The following DENND5A variants were observed in gnomAD, a reference collection of about 807,000 sequenced individuals.
The protein encoded by DENND5A is DENN domain containing 5A.
A neutral mutation model predicts 140.3 loss-of-function variants in DENND5A; 64 were observed. The ratio of observed to expected loss-of-function variants is 0.46; its 90% CI spans 0.37 to 0.56. The LOEUF (loss-of-function observed/expected upper bound fraction) is 0.56. DENND5A is among the 20% of genes least tolerant of loss of function. The pLI, the probability that DENND5A is intolerant of heterozygous loss-of-function variation, is 0.00. For synonymous variants in DENND5A, 605 were observed against 607.7 expected (o/e 1.00, Z 0.07); for missense variants, 1,292 against 1,593.8 (o/e 0.81, Z 3.22).
At position 9,213,808 on chromosome 11, in the gene DENND5A, C is replaced by CAAAAAAAAA. The variant is rs3074627; in HGVS notation, c.110-6185_110-6177dup. 2.8e-3 allele frequency among the ~76,000 whole-genome samples: 196 copies of CAAAAAAAAA among 69,626 alleles called. 6 individuals carry two copies. Among genetic ancestry groups the CAAAAAAAAA allele is most frequent in the African/African-American group, 0.011 (186 of 17,362 alleles). The allele number at this position is 69,626 out of a possible 152,430, so 45.7% of individuals were successfully genotyped here. Reference sequence around the variant, plus strand: ...GGTGGCTGAGCGAGACTCCGTCTCCCAAAAAAAAAAGAAGAAGAAGAAGCA... The same window carrying CAAAAAAAAA: ...GGTGGCTGAGCGAGACTCCGTCTCCCAAAAAAAAAAAAAAAAAAAGAAGAAGAAGAAGCA... On this transcript the variant is annotated intron_variant, in intron 1 of 22. Coordinates refer to ENST00000328194, the MANE Select transcript of DENND5A (RefSeq NM_015213.4).
chr11:9,164,208 T>C (rs1848107595), intron 11 of DENND5A, among the ~76,000 whole-genome samples: 1 of 34,474 alleles, frequency 2.9e-5, no homozygotes, highest in African/African-American at 1.6e-4. Flanking sequence ...TTTTTTTTTT[T>C]TTTTTTTTTT....
chr11:9,165,725 C>G, intron 11 of DENND5A, 111 bp downstream of exon 11: 1 of 1,317,662 alleles, frequency 7.6e-7, no homozygotes, highest in Non-Finnish European at 1.1e-6. Context: ...TGAGCCATCA[C>G]GCCCAGCCAA....
In DENND5A at chr11:9,148,212, G is replaced by A. The variant is rs74956877; in HGVS notation, c.2736-1061C>T. 2.9e-3 allele frequency among the ~76,000 whole-genome samples: 441 copies of A among 152,274 alleles called. 3 individuals are homozygous for A. The highest frequency in any genetic ancestry group is 0.01 in the African/African-American group (419 of 41,546). On this transcript the variant is annotated intron_variant, in intron 15 of 22. Coordinates refer to ENST00000328194, the MANE Select transcript of DENND5A (RefSeq NM_015213.4). ...TTCTAGAACAAGAGGGACCTGAAGG[G>A]CAGCAGAAATTTAGACAACTGTTGT...
chr11:9,236,234 A>C (rs1309830488), intron 1 of DENND5A, among the ~76,000 whole-genome samples: 3 of 149,272 alleles, frequency 2.0e-5, no homozygotes, highest in South Asian at 2.2e-4. Flanking sequence ...AAAAAAAAAA[A>C]AAAACAAATA....
At chr11:9,218,947 A>G (rs1850205437) in intron 1 of DENND5A, among the ~76,000 whole-genome samples, 2 of 152,310 alleles carry the variant, frequency 1.3e-5, no homozygotes, top group East Asian at 3.9e-4. Flanking sequence ...TGGAGGTTGC[A>G]GTAAGCCAAG....
intron 7 of DENND5A, 89 bp downstream of exon 7, chr11:9,178,766 CATT>C: frequency 9.4e-7 from 1 of 1,069,280 alleles, no homozygotes. Context: ...GATAATCTTC[CATT>C]ACTTCTTCGA....
At chr11:9,243,882 T>C (rs921971402) in intron 1 of DENND5A, among the ~76,000 whole-genome samples, 26 of 152,180 alleles carry the variant, frequency 1.7e-4, no homozygotes, top group African/African-American at 6.0e-4. Context: ...CGAGACTCCA[T>C]CTCACACACA....
chr11:9,244,367 T>C (rs1416494743), intron 1 of DENND5A, among the ~76,000 whole-genome samples: 2 of 152,040 alleles, frequency 1.3e-5, no homozygotes, highest in Non-Finnish European at 2.9e-5. Context: ...TTTATTTTAT[T>C]TATTTTTATT....
chr11:9,150,800 T>TGAA, intron 13 of DENND5A, 36 bp from the exon 14 acceptor site: 1 of 1,423,800 alleles, frequency 7.0e-7, no homozygotes, highest in Middle Eastern at 1.8e-4. Context: ...CAAAGAGATC[T>TGAA]GAATATCCAA....
chr11:9,150,630 C>T (rs918863100), intron 14 of DENND5A, 50 bp downstream of exon 14: 6 of 1,371,874 alleles, frequency 4.4e-6, no homozygotes, highest in Non-Finnish European at 6.2e-6. Context: ...ACCTAAGCAG[C>T]AACTGAAAAC....
intron 15 of DENND5A, among the ~76,000 whole-genome samples, chr11:9,148,413 A>AATTT (rs1564881513): frequency 1.3e-5 from 2 of 152,198 alleles, no homozygotes; most frequent in African/African-American, 2.4e-5. Flanking sequence ...CAATCTGCCC[A>AATTT]GTAAGTAAGG....
chr11:9,224,047 A>G (rs1366480733), intron 1 of DENND5A, among the ~76,000 whole-genome samples: 1 of 151,788 alleles, frequency 6.6e-6, no homozygotes, highest in Non-Finnish European at 1.5e-5. Flanking sequence ...TACAAAAATT[A>G]GCCAGGTGTG....
intron 4 of DENND5A, among the ~76,000 whole-genome samples, chr11:9,200,147 T>C (rs1222251674): frequency 3.3e-5 from 5 of 152,202 alleles, no homozygotes; most frequent in African/African-American, 4.8e-5. Context: ...TTTTCCATTA[T>C]GTTCATCATA....
intron 12 of DENND5A, among the ~76,000 whole-genome samples, chr11:9,158,637 C>T (rs1169783969): frequency 6.6e-6 from 1 of 152,094 alleles, no homozygotes; most frequent in Non-Finnish European, 1.5e-5. Context: ...AGGTAACTTG[C>T]TTAGTTTCAT....
chr11:9,201,562 C>T (rs1264471258), intron 4 of DENND5A, among the ~76,000 whole-genome samples: 64 of 151,924 alleles, frequency 4.2e-4, no homozygotes, highest in Admixed American at 3.0e-3. Flanking sequence ...TCCAGCTACA[C>T]GGGAAGCTGA....
rs1849214556 is a variant in DENND5A, at chr11:9,193,567, G to T, written c.1064C>A (p.Ala355Asp). 1 of 1,613,976 alleles carries T rather than the reference G, an allele frequency of 6.2e-7. No homozygotes were observed. The highest frequency in any genetic ancestry group is 1.3e-5 in the African/African-American group (1 of 74,896). ...CAAACCCATCAGGTATGGAACAGGA[G>T]CATCTAAGAAATGCAGGAGAGAAGC... is the stretch of plus-strand genomic sequence containing the variant. ...LPASLLHFLD[A>D]PVPYLMGLHS... Residue 355 changes from alanine to aspartate, a missense_variant, in exon 5 of 23, where the codon GCT becomes GAT. By Grantham distance (126) the Ala-to-Asp change is moderately radical. This residue lies in a region of DENND5A where 566 missense variants were observed against 650.4 expected (regional missense o/e 0.87). Coordinates refer to ENST00000328194, the MANE Select transcript of DENND5A (RefSeq NM_015213.4).
At chr11:9,146,011 C>T (rs951031198) in intron 16 of DENND5A, among the ~76,000 whole-genome samples, 196 bp from the exon 17 acceptor site, 3 of 152,074 alleles carry the variant, frequency 2.0e-5, no homozygotes, top group African/African-American at 7.2e-5. Flanking sequence ...CCCCATGGCC[C>T]CTCCTCAATT....
At chr11:9,213,099 G>A (rs1370445041) in intron 1 of DENND5A, among the ~76,000 whole-genome samples, 1 of 150,872 alleles carries the variant, frequency 6.6e-6, no homozygotes, top group Non-Finnish European at 1.5e-5. Flanking sequence ...CACCTCCCAG[G>A]TTCAAGTGAT....
chr11:9,196,758 G>A (rs1179392591), intron 4 of DENND5A, among the ~76,000 whole-genome samples: 3 of 151,868 alleles, frequency 2.0e-5, no homozygotes, highest in South Asian at 4.2e-4. Context: ...TTACAAGTGT[G>A]TACCACCACA....
Sources: allele counts gnomAD v4.1 joint callset (sites outside exome capture counted in the v4.1 genomes callset), GRCh38; gene constraint gnomAD v4.1.1; regional missense constraint gnomAD v4.1.1; transcripts MANE v1.5; gene names NCBI Gene and HGNC (gene_info 2026-07-23, HGNC 2026-07-21).